Variants in EIF2B4 observed in about 807,000 individuals in gnomAD.
EIF2B4 encodes the protein eukaryotic translation initiation factor 2B subunit delta, also known as translation initiation factor eIF2B subunit delta.
In EIF2B4, 34 loss-of-function variants were observed where a neutral mutation model predicts 66.7. That is an observed-to-expected ratio of 0.51 (90% CI 0.39 to 0.68). The LOEUF is 0.68. Ranked by LOEUF, EIF2B4 falls within the 30% of genes least tolerant of loss-of-function variation. The probability of loss-of-function intolerance (pLI) is 0.00; values close to 1 mark genes in which losing one functional copy is unlikely to be tolerated. For synonymous variants in EIF2B4, 278 were observed against 253.6 expected, an observed-to-expected ratio of 1.10 and a Z score of -0.92; for missense variants, 618 against 657.9, an observed-to-expected ratio of 0.94 and a Z score of 0.66.
At chr2:27,369,810 G>T in intron 2 of EIF2B4, 66 bp downstream of exon 2, 1 of 1,522,834 alleles carries the variant, frequency 6.6e-7, no homozygotes, top group South Asian at 1.2e-5. Flanking sequence ...AGCTGGGGCG[G>T]AATAAAGCTG....
rs113994038 is a variant in EIF2B4, at chr2:27,364,579, A to G, written c.1393T>C (p.Cys465Arg). The change falls in exon 13 of 13, where the codon TGT becomes CGT. Residue 465 changes from cysteine to arginine, a missense_variant. This residue lies in a region of EIF2B4 where 63 missense variants were observed against 47.5 expected (regional missense o/e 1.33). Coordinates refer to ENST00000347454, the MANE Select transcript of EIF2B4 (RefSeq NM_001034116.2). ...NELDDPDDLQCKRGEHVALAN... is the reference protein window; with the variant it reads ...NELDDPDDLQRKRGEHVALAN... ...AGCGCAACATGTTCTCCCCGCTTAC[A>G]TTGCAGATCATCAGGGTCATCTGCA... 8 of 1,614,086 alleles carry G rather than the reference A, an allele frequency of 5.0e-6. No individual in the cohort carries two copies. Among genetic ancestry groups the G allele is most frequent in the African/African-American group, 2.7e-5 (2 of 74,924 alleles).
intron 8 of EIF2B4, 32 bp from the exon 9 acceptor site, chr2:27,367,591 G>GC (rs1558635974): frequency 1.2e-6 from 2 of 1,609,612 alleles, no homozygotes; most frequent in South Asian, 2.2e-5. Flanking sequence ...TTATATCTGC[G>GC]CAACTCTTCA....
At chr2:27,370,241 G>T in intron 1 of EIF2B4, 43 bp downstream of exon 1, 1 of 1,543,206 alleles carries the variant, frequency 6.5e-7, no homozygotes. Flanking sequence ...TCCGGAGCTC[G>T]TCGGCTCCGC....
intron 11 of EIF2B4, chr2:27,366,350 G>C (rs1681866239): frequency 7.0e-6 from 2 of 284,598 alleles, no homozygotes; most frequent in African/African-American, 4.4e-5. Context: ...CAGGCATTGA[G>C]CCATGGCACC....
chr2:27,365,683 T>C (rs539844501), intron 11 of EIF2B4: 1 of 152,286 alleles, frequency 6.6e-6, no homozygotes, highest in Admixed American at 6.5e-5. Flanking sequence ...GCCTAATAAA[T>C]CTTAATGATG....
At position 27,368,279 on chromosome 2, in the gene EIF2B4, TAC is replaced by T. The variant is rs889786473; in HGVS notation, c.590+91_590+92del. 6.6e-6 allele frequency: 9 copies of T among 1,372,048 alleles called. No individual in the cohort carries two copies. In the African/African-American group the frequency reaches 1.1e-4, roughly 17 times the overall value. 85.0% of individuals were successfully genotyped at this position (1,372,048 alleles called of 1,614,324 possible). ...TCTGCCTTGGGTTCATACTTTTTCC[TAC>T]AGAGTCCATCTCAGATTACTAGAAA... On this transcript the variant is annotated intron_variant, in intron 6 of 12. Transcript: ENST00000347454.
chr2:27,368,117 G>A lies in EIF2B4; in HGVS notation c.613C>T (p.Pro205Ser), dbSNP rs1682003340. The A allele has an allele frequency of 6.3e-7, 1 of 1,595,234 alleles. No homozygotes were observed. The highest frequency in any genetic ancestry group is 2.3e-5 in the East Asian group (1 of 44,140). The change falls in exon 7 of 13, where the codon CCA becomes TCA. Residue 205 changes from proline to serine, a missense_variant. By Grantham distance (74) the Pro-to-Ser change is moderately conservative. Around this residue, in one of 4 missense-constraint regions of EIF2B4, gnomAD observed 506 missense variants for 511.9 expected, o/e 0.99. Transcript: ENST00000347454. ...TGCAGGCCGAGTCGCACCATGGCTG[G>A]GTGGATCACAGAGGATGGGATGCTG... ...FMSIPSSVIH[P>S]AMVRLGLQYS...
chr2:27,365,054 T>C (rs904100148), intron 11 of EIF2B4, 156 bp from the exon 12 acceptor site: 1 of 685,612 alleles, frequency 1.5e-6, no homozygotes, highest in Non-Finnish European at 2.4e-6. Context: ...AAGTAATAAA[T>C]CTTTTTTTTT....
In EIF2B4 at chr2:27,369,142, A is replaced by C; in HGVS notation, c.282T>G (p.Gly94=). 2 of 1,613,506 alleles carry C rather than the reference A, an allele frequency of 1.2e-6. No homozygotes were observed. The highest frequency in any genetic ancestry group is 1.7e-6 in the Non-Finnish European group (2 of 1,179,926). ...LGTPREKVPA[G]RSKAELRAER... is the part of the protein sequence containing the mutation. Reference sequence around the variant, plus strand: ...CAGCCCGAAGTTCGGCCTTACTCCGACCAGCTGGAACTTTCTCCCGAGGAG... The same window carrying C: ...CAGCCCGAAGTTCGGCCTTACTCCGCCCAGCTGGAACTTTCTCCCGAGGAG... Residue 94 remains glycine (G), a synonymous_variant, in exon 4 of 13, where the codon GGT becomes GGG. Coordinates refer to ENST00000347454, the MANE Select transcript of EIF2B4 (RefSeq NM_001034116.2).
chr2:27,367,257 G>T, intron 9 of EIF2B4, 56 bp from the exon 10 acceptor site: 1 of 1,612,648 alleles, frequency 6.2e-7, no homozygotes, highest in South Asian at 1.1e-5. Flanking sequence ...TCCCTCTGAT[G>T]ATCATGCCAG....
rs374680901 is a variant in EIF2B4, at chr2:27,367,590, C to T, written c.783-31G>A. 1.9e-5 allele frequency: 31 copies of T among 1,610,170 alleles called. No homozygotes were observed. The Admixed American group carries it at 3.2e-4, about 16-fold the overall frequency. Reference sequence around the variant, plus strand: ...ATACAACAGCAATACCTTATATCTGCGCAACTCTTCACAACTTACAAAGCC... The same window carrying T: ...ATACAACAGCAATACCTTATATCTGTGCAACTCTTCACAACTTACAAAGCC... On this transcript the variant is annotated intron_variant, in intron 8 of 12. Transcript: ENST00000347454.
At chr2:27,370,238 C>A in intron 1 of EIF2B4, 46 bp downstream of exon 1, 1 of 1,542,802 alleles carries the variant, frequency 6.5e-7, no homozygotes, top group South Asian at 1.2e-5. Context: ...CTGTCCGGAG[C>A]TCGTCGGCTC....
intron 1 of EIF2B4, 60 bp downstream of exon 1, chr2:27,370,224 C>T: frequency 6.5e-7 from 1 of 1,541,606 alleles, no homozygotes; most frequent in Non-Finnish European, 8.7e-7. Flanking sequence ...AGGCCCGGCA[C>T]TAGCTGTCCG....
At chr2:27,369,286 C>T (rs1682146201) in intron 3 of EIF2B4, 74 bp from the exon 4 acceptor site, 7 of 1,607,772 alleles carry the variant, frequency 4.4e-6, no homozygotes, top group South Asian at 1.1e-5. Context: ...ACTAGCTTCT[C>T]TCCTTGTAAA....
chr2:27,368,379 A>G lies in EIF2B4; in HGVS notation c.583T>C (p.Phe195Leu). The change falls in exon 6 of 13, where the codon TTT becomes CTT. Residue 195 changes from phenylalanine (F) to leucine (L), a missense_variant. Phe to Leu is a conservative substitution (Grantham distance 22, BLOSUM62 0). Transcript: ENST00000347454. ...QYSRQNSLTQ[F>L]MSIPSSVIHP... Reference sequence around the variant, plus strand: ...AATTTCATAGGATCCTACCTCATAAACTGGGTCAGAGAGTTTTGTCTGCTG... The same window carrying G: ...AATTTCATAGGATCCTACCTCATAAGCTGGGTCAGAGAGTTTTGTCTGCTG... 6.2e-7 allele frequency: 1 copy of G among 1,612,828 alleles called. No individual in the cohort carries two copies. Among genetic ancestry groups the G allele is most frequent in the Admixed American group, 1.7e-5 (1 of 60,016 alleles).
intron 11 of EIF2B4, chr2:27,366,541 A>G: frequency 1.6e-6 from 1 of 607,512 alleles, no homozygotes; most frequent in African/African-American, 1.8e-5. Flanking sequence ...CTAGCTGGGC[A>G]TGGTGGCACA....
intron 2 of EIF2B4, 103 bp downstream of exon 2, chr2:27,369,773 C>A: frequency 6.8e-7 from 1 of 1,479,542 alleles, no homozygotes; most frequent in South Asian, 1.3e-5. Context: ...CCTGGCTTTA[C>A]TGAGAAATAA....
chr2:27,368,961 G>T, intron 4 of EIF2B4, 45 bp downstream of exon 4: 3 of 1,610,330 alleles, frequency 1.9e-6, no homozygotes, highest in Non-Finnish European at 2.5e-6. Flanking sequence ...CTGAGCTGGC[G>T]TTATAATTAG....
chr2:27,368,350 T>G, intron 6 of EIF2B4, 22 bp downstream of exon 6: 1 of 1,597,450 alleles, frequency 6.3e-7, no homozygotes, highest in African/African-American at 1.3e-5. Context: ...TCAAAAGTTA[T>G]GACAATTTCA....
Sources: gnomAD v4.1 joint callset for allele counts on GRCh38, gnomAD v4.1.1 for gene constraint, gnomAD v4.1.1 regional missense constraint, MANE v1.5 for transcripts, NCBI Gene and HGNC (gene_info 2026-07-23, HGNC 2026-07-21) for gene names.